CSF1R: variants seen among roughly 807,000 people sequenced by gnomAD.
The protein encoded by CSF1R is macrophage colony-stimulating factor 1 receptor.
Under a neutral mutation model 110.0 loss-of-function variants are expected in CSF1R, and 40 were observed. That is an observed-to-expected ratio of 0.36 (90% CI 0.28 to 0.47). The LOEUF is 0.47. Ranked by LOEUF, CSF1R falls within the 20% of genes least tolerant of loss-of-function variation. The pLI, the probability that CSF1R is intolerant of heterozygous loss-of-function variation, is 0.99. For missense variants in CSF1R, 1,052 were observed against 1,253.0 expected (o/e 0.84, Z 2.42); for synonymous variants, 523 against 503.4 (o/e 1.04, Z -0.52).
chr5:150,078,307 G>T (rs1758366856), intron 3 of CSF1R, 59 bp from the exon 4 acceptor site: 4 of 1,594,322 alleles, frequency 2.5e-6, no homozygotes, highest in Admixed American at 3.5e-5. Context: ...TAGAGATATT[G>T]CTCTCCTCCC....
At chr5:150,098,729 A>C (rs1759301396) in intron 1 of CSF1R, among the ~76,000 whole-genome samples, 1 of 152,170 alleles carries the variant, frequency 6.6e-6, no homozygotes, top group Non-Finnish European at 1.5e-5. Flanking sequence ...ATAAATGATA[A>C]GATAATTTGC....
chr5:150,058,287 T>TG (rs1262173145), intron 14 of CSF1R: 1 of 456,248 alleles, frequency 2.2e-6, no homozygotes, highest in South Asian at 1.5e-5. Context: ...AGAGCACACT[T>TG]GGGGTAGAGA....
Position 150,080,340 on chromosome 5 carries a change from G to T in CSF1R, c.308-4C>A, listed in dbSNP as rs771809429. On this transcript the variant is annotated splice_polypyrimidine_tract_variant and splice_region_variant and intron_variant, in intron 2 of 20. Coordinates refer to ENST00000675795, the MANE Select transcript of CSF1R (RefSeq NM_001288705.3). Reference sequence around the variant, plus strand: ...ACGTTCCAGGGCCGGGCAGGGTCTAGAGTAGAGGAGGGCACAGGGTTACAA... The same window carrying T: ...ACGTTCCAGGGCCGGGCAGGGTCTATAGTAGAGGAGGGCACAGGGTTACAA... 1 of 1,611,122 alleles carries T rather than the reference G, an allele frequency of 6.2e-7. No homozygotes were observed. The highest frequency in any genetic ancestry group is 8.5e-7 in the Non-Finnish European group (1 of 1,178,300).
At chr5:150,057,437 C>G in intron 15 of CSF1R, 53 bp from the exon 16 acceptor site, 1 of 1,611,340 alleles carries the variant, frequency 6.2e-7, no homozygotes, top group Non-Finnish European at 8.5e-7. Flanking sequence ...CACCCCTCAC[C>G]CCAGCAGCCC....
intron 1 of CSF1R, chr5:150,098,519 T>G (rs1759294408): frequency 6.6e-6 from 1 of 152,378 alleles, no homozygotes; most frequent in South Asian, 2.1e-4. Flanking sequence ...AGTAAATCTA[T>G]AAATTGGACT....
At position 150,092,329 on chromosome 5, in the gene CSF1R, T is replaced by G. The variant is rs567187713; in HGVS notation, c.-180-5722A>C. ...AGTGAAACATATTGTTGTCATACAT[T>G]TCACTTTCACATATGCATTTACAGC... On this transcript the variant is annotated intron_variant, in intron 1 of 21. Transcript: ENST00000286301. Among the ~76,000 whole-genome samples, 4 of 152,364 alleles carry G rather than the reference T, an allele frequency of 2.6e-5. No homozygotes were observed. In the East Asian group the frequency reaches 5.8e-4, roughly 22 times the overall value.
intron 1 of CSF1R, among the ~76,000 whole-genome samples, chr5:150,096,682 A>T (rs1411411389): frequency 6.6e-6 from 1 of 152,234 alleles, no homozygotes; most frequent in African/African-American, 2.4e-5. Flanking sequence ...AACGTTCAAC[A>T]CTCAAAAATC....
At chr5:150,098,811 A>T (rs1050545422) in intron 1 of CSF1R, among the ~76,000 whole-genome samples, 6 of 152,056 alleles carry the variant, frequency 3.9e-5, no homozygotes, top group Admixed American at 3.9e-4. Context: ...ATACCACTAC[A>T]TACTTAATTA....
intron 10 of CSF1R, among the ~76,000 whole-genome samples, chr5:150,064,884 A>G (rs751526742): frequency 2.6e-5 from 4 of 152,162 alleles, no homozygotes; most frequent in Admixed American, 2.0e-4. Flanking sequence ...TAAACCTCCC[A>G]GGGCACCTGT....
chr5:150,094,815 A>G lies in CSF1R; in HGVS notation c.-180-8208T>C, dbSNP rs960697815. ...TAAGAAGCGAATTGCTTTGACAGAT[A>G]ACGCTTTGATTGCTCGATCTCTTGG... On this transcript the variant is annotated intron_variant, in intron 1 of 21. Coordinates refer to the CSF1R transcript ENST00000286301. 2.6e-5 allele frequency: 36 copies of G among 1,390,328 alleles called. No homozygotes were observed. In the African/African-American group the frequency reaches 4.8e-4, roughly 18 times the overall value. 86.1% of individuals were successfully genotyped at this position (1,390,328 alleles called of 1,614,324 possible).
At chr5:150,093,829 C>T (rs1462032042) in intron 1 of CSF1R, among the ~76,000 whole-genome samples, 5 of 152,112 alleles carry the variant, frequency 3.3e-5, no homozygotes, top group Non-Finnish European at 7.4e-5. Flanking sequence ...TTTGGGAGGC[C>T]AAGGTGGGCA....
chr5:150,064,781 C>A (rs1220857381), intron 10 of CSF1R, among the ~76,000 whole-genome samples: 1 of 152,146 alleles, frequency 6.6e-6, no homozygotes, highest in Non-Finnish European at 1.5e-5. Flanking sequence ...GCTGGATTCT[C>A]AGATTTCTGA....
upstream of CSF1R, chr5:150,086,635 A>T: frequency 1.9e-6 from 1 of 530,232 alleles, no homozygotes; most frequent in Non-Finnish European, 3.4e-6. Context: ...AGAGTTTGGA[A>T]ATCTTGGGTC....
chr5:150,073,282 G>T lies in CSF1R; in HGVS notation c.1082+19C>A. ...CATCTGGTTGTCGGGCTGTGTAGAC[G>T]GGAGCTGATAAGTGGTACCTGTATG... On this transcript the variant is annotated intron_variant, in intron 6 of 20. Coordinates refer to ENST00000675795, the MANE Select transcript of CSF1R (RefSeq NM_001288705.3). The T allele has an allele frequency of 6.2e-7, 1 of 1,605,400 alleles. No homozygotes were observed. The highest frequency in any genetic ancestry group is 1.1e-5 in the South Asian group (1 of 90,410).
At chr5:150,056,722 A>G (rs1207474992) in intron 16 of CSF1R, among the ~76,000 whole-genome samples, 1 of 152,062 alleles carries the variant, frequency 6.6e-6, no homozygotes. Context: ...CTCTGCACAC[A>G]TTGAACCCTT....
chr5:150,092,640 T>C lies in CSF1R; in HGVS notation c.-180-6033A>G, dbSNP rs72660271. 1.6e-3 allele frequency among the ~76,000 whole-genome samples: 251 copies of C among 152,216 alleles called. 2 individuals carry two copies. In the East Asian group the frequency reaches 0.046, roughly 28 times the overall value. ...GGCAAAAGAGTATATGCAGGGGAAC[T>C]CCCATTTATAAAACCATCAGATCTC... On this transcript the variant is annotated intron_variant, in intron 1 of 21. Coordinates refer to the CSF1R transcript ENST00000286301.
At chr5:150,093,771 A>G (rs1468170455) in intron 1 of CSF1R, among the ~76,000 whole-genome samples, 5 of 152,212 alleles carry the variant, frequency 3.3e-5, no homozygotes, top group Non-Finnish European at 7.3e-5. Context: ...ATAAACATGT[A>G]CAATTATTGA....
intron 5 of CSF1R, among the ~76,000 whole-genome samples, chr5:150,074,884 C>T (rs1758196066): frequency 6.6e-6 from 1 of 152,154 alleles, no homozygotes; most frequent in Non-Finnish European, 1.5e-5. Context: ...GGTCTCCTAA[C>T]ATCCCTGAAC....
At chr5:150,095,371 T>C (rs1023833726) in intron 1 of CSF1R, among the ~76,000 whole-genome samples, 1 of 152,182 alleles carries the variant, frequency 6.6e-6, no homozygotes, top group African/African-American at 2.4e-5. Flanking sequence ...AGATATACCA[T>C]ATTCTATCAC....
Sources: allele counts gnomAD v4.1 joint callset (sites outside exome capture counted in the v4.1 genomes callset), GRCh38; gene constraint gnomAD v4.1.1; transcripts MANE v1.5; gene names NCBI Gene and HGNC (gene_info 2026-07-23, HGNC 2026-07-21).